TBC1D14: variants seen among roughly 807,000 people sequenced by gnomAD.
TBC1D14 encodes TBC1 domain family member 14.
Under a neutral mutation model 79.0 loss-of-function variants are expected in TBC1D14, and 26 were observed. The ratio of observed to expected loss-of-function variants is 0.33; its 90% confidence interval spans 0.24 to 0.46. TBC1D14 has a LOEUF of 0.46. TBC1D14 is among the 20% of genes least tolerant of loss of function. The pLI is 1.00. For missense variants in TBC1D14, 769 were observed against 887.6 expected, an observed-to-expected ratio of 0.87 and a Z score of 1.70; for synonymous variants, 394 against 349.9, an observed-to-expected ratio of 1.13 and a Z score of -1.40.
chr4:6,926,521 A>G (rs1316443311), intron 2 of TBC1D14, among the ~76,000 whole-genome samples: 1 of 152,164 alleles, frequency 6.6e-6, no homozygotes, highest in East Asian at 1.9e-4. Flanking sequence ...CCTCGTTGTG[A>G]TGGCTGTGAC....
chr4:6,973,860 G>T (rs1055542482), intron 3 of TBC1D14, among the ~76,000 whole-genome samples: 1 of 152,074 alleles, frequency 6.6e-6, no homozygotes, highest in Non-Finnish European at 1.5e-5. Flanking sequence ...GTCTCACTCT[G>T]TCACCCAGGC....
At chr4:7,022,412 G>A (rs1043454651) in intron 12 of TBC1D14, among the ~76,000 whole-genome samples, 9 of 152,238 alleles carry the variant, frequency 5.9e-5, no homozygotes, top group African/African-American at 1.7e-4. Context: ...TCAGTGTAAA[G>A]GAAGGTGAAG....
chr4:6,975,890 C>T lies in TBC1D14; in HGVS notation c.843+8466C>T, dbSNP rs60044285. 7.0e-4 allele frequency among the ~76,000 whole-genome samples: 107 copies of T among 152,102 alleles called. 1 individual carries two copies. The highest frequency in any genetic ancestry group is 2.5e-3 in the African/African-American group (102 of 41,492). ...GGTGGATCACCTGAGCTCAGGAGTT[C>T]GAGACCAGCCTGGCCAATGTGGCGA... On this transcript the variant is annotated intron_variant, in intron 3 of 13. Transcript: ENST00000409757.
In TBC1D14 at chr4:6,996,416, G is replaced by T. The variant is rs372897553; in HGVS notation, c.1045+9G>T. 51 of 1,607,176 alleles carry T rather than the reference G, an allele frequency of 3.2e-5. 1 individual carries two copies. The South Asian group carries it at 5.4e-4, about 17-fold the overall frequency. On this transcript the variant is annotated intron_variant, in intron 5 of 13. Transcript: ENST00000409757. ...TCAGGCCAAAAAGCGAGGTAATGGGGTTCACACTTGATGGGTTAAATCAGG... is the reference window on the plus strand; with the variant it reads ...TCAGGCCAAAAAGCGAGGTAATGGGTTTCACACTTGATGGGTTAAATCAGG...
intron 2 of TBC1D14, among the ~76,000 whole-genome samples, chr4:6,946,546 C>T (rs1291867833): frequency 6.6e-6 from 1 of 152,128 alleles, no homozygotes; most frequent in Middle Eastern, 3.2e-3. Context: ...TGGTCTCGAA[C>T]TCCTAACCTT....
chr4:6,936,113 G>C (rs1712298029), intron 2 of TBC1D14, among the ~76,000 whole-genome samples: 1 of 152,176 alleles, frequency 6.6e-6, no homozygotes, highest in Non-Finnish European at 1.5e-5. Context: ...CACACTGGAG[G>C]AGTCCATTTG....
At chr4:6,994,432 C>A in intron 4 of TBC1D14, 130 bp downstream of exon 4, 1 of 776,064 alleles carries the variant, frequency 1.3e-6, no homozygotes, top group Non-Finnish European at 2.2e-6. Flanking sequence ...ACTTCTTATT[C>A]TCTATATTAA....
chr4:6,951,466 G>A (rs1714034958), intron 2 of TBC1D14, among the ~76,000 whole-genome samples: 1 of 152,052 alleles, frequency 6.6e-6, no homozygotes, highest in Non-Finnish European at 1.5e-5. Flanking sequence ...AGGAATTCGA[G>A]TCCAGCCTGG....
chr4:6,961,511 C>T (rs1041940616), intron 2 of TBC1D14, among the ~76,000 whole-genome samples: 1 of 152,044 alleles, frequency 6.6e-6, no homozygotes, highest in Non-Finnish European at 1.5e-5. Context: ...GCTGTGTGTG[C>T]ATGGCCAGGC....
At chr4:6,925,088 T>A (rs942216082) in intron 2 of TBC1D14, among the ~76,000 whole-genome samples, 3 of 151,780 alleles carry the variant, frequency 2.0e-5, no homozygotes, top group Non-Finnish European at 2.9e-5. Flanking sequence ...AGGTCCGGAG[T>A]TCGAGACCAG....
chr4:6,913,328 C>T (rs946794833), intron 1 of TBC1D14, among the ~76,000 whole-genome samples: 2 of 152,180 alleles, frequency 1.3e-5, no homozygotes, highest in Non-Finnish European at 2.9e-5. Context: ...TGCAGCCTAA[C>T]AAACATACAT....
chr4:6,920,677 A>T (rs1446231216), intron 1 of TBC1D14, among the ~76,000 whole-genome samples: 1 of 152,154 alleles, frequency 6.6e-6, no homozygotes, highest in Non-Finnish European at 1.5e-5. Flanking sequence ...GTGGTACTTG[A>T]TTTAATTCTC....
In TBC1D14 at chr4:7,030,549, C is replaced by G; in HGVS notation, c.*157C>G. ...GCCTTAAACAAAACAAACACAAAAA[C>G]TTTTAAAGAATTAAACCAAGGCTTA... On this transcript the variant is annotated 3_prime_UTR_variant, in exon 14 of 14. Coordinates refer to ENST00000409757, the MANE Select transcript of TBC1D14 (RefSeq NM_020773.3). 1.4e-6 allele frequency: 1 copy of G among 708,658 alleles called. No homozygotes were observed. The allele number at this position is 708,658 out of a possible 1,614,324, so 43.9% of individuals were successfully genotyped here.
intron 2 of TBC1D14, among the ~76,000 whole-genome samples, chr4:6,965,144 C>A (rs975820908): frequency 7.0e-6 from 1 of 142,414 alleles, no homozygotes; most frequent in Non-Finnish European, 1.5e-5. Flanking sequence ...CATACTTCAT[C>A]AATTGTCCCA....
intron 3 of TBC1D14, chr4:6,987,509 T>G (rs935086243): frequency 1.3e-4 from 77 of 611,930 alleles, no homozygotes; most frequent in Non-Finnish European, 1.6e-4. Context: ...ATCACGTGTA[T>G]CTGTCCTCAA....
At position 7,009,786 on chromosome 4, in the gene TBC1D14, G is replaced by A. The variant is rs549478266; in HGVS notation, c.1447-91G>A. ...TTTCATAATGCTGAAAATAGCAGGA[G>A]TGGCAGCGGCAGCAGTAGTAGTATC... On this transcript the variant is annotated intron_variant, in intron 9 of 13. Transcript: ENST00000409757. The A allele has an allele frequency of 8.0e-6, 10 of 1,246,372 alleles. No homozygotes were observed. In the East Asian group the frequency reaches 1.6e-4, roughly 20 times the overall value. 77.2% of individuals were successfully genotyped at this position (1,246,372 alleles called of 1,614,324 possible).
chr4:6,972,702 G>A (rs1716328494), intron 3 of TBC1D14, among the ~76,000 whole-genome samples: 1 of 152,122 alleles, frequency 6.6e-6, no homozygotes, highest in Non-Finnish European at 1.5e-5. Flanking sequence ...GGGCTTTACT[G>A]GCCCAATCAG....
intron 2 of TBC1D14, among the ~76,000 whole-genome samples, chr4:6,930,192 G>C (rs1005818807): frequency 5.9e-5 from 9 of 152,204 alleles, no homozygotes; most frequent in African/African-American, 2.2e-4. Flanking sequence ...GTCTGTCCGG[G>C]CACTGAAGCT....
intron 6 of TBC1D14, among the ~76,000 whole-genome samples, chr4:7,000,790 C>T (rs564585816): frequency 6.6e-6 from 1 of 152,350 alleles, no homozygotes; most frequent in African/African-American, 2.4e-5. Flanking sequence ...CAGCTATGTG[C>T]TGTTCCTGTA....
Sources: allele counts gnomAD v4.1 joint callset (sites outside exome capture counted in the v4.1 genomes callset), GRCh38; gene constraint gnomAD v4.1.1; transcripts MANE v1.5; gene names NCBI Gene and HGNC (gene_info 2026-07-23, HGNC 2026-07-21).